Variants in MTDH observed in about 807,000 individuals in gnomAD.
The protein encoded by MTDH is metadherin.
A neutral mutation model predicts 72.7 loss-of-function variants in MTDH; 34 were observed. That is an observed-to-expected ratio of 0.47 (90% CI 0.36 to 0.62). The LOEUF is 0.62. MTDH is among the 20% of genes least tolerant of loss of function. The pLI is 0.00. For missense variants in MTDH, 677 were observed against 699.4 expected, an observed-to-expected ratio of 0.97 and a Z score of 0.36; for synonymous variants, 266 against 268.9, an observed-to-expected ratio of 0.99 and a Z score of 0.10.
intron 1 of MTDH, among the ~76,000 whole-genome samples, chr8:97,654,276 TGTTTA>T (rs1811882030): frequency 1.3e-5 from 2 of 152,380 alleles, no homozygotes; most frequent in African/African-American, 2.4e-5. Flanking sequence ...TTTATGTGTA[TGTTTA>T]GTTTATGTAG....
chr8:97,678,336 T>G (rs1812149833), intron 2 of MTDH, among the ~76,000 whole-genome samples: 1 of 152,144 alleles, frequency 6.6e-6, no homozygotes, highest in African/African-American at 2.4e-5. Flanking sequence ...TGTGTGAAAT[T>G]TATTTACTAC....
intron 4 of MTDH, 101 bp downstream of exon 4, chr8:97,687,706 A>G (rs1268379841): frequency 4.8e-6 from 5 of 1,049,454 alleles, no homozygotes; most frequent in Non-Finnish European, 5.5e-6. Context: ...TTTGAATGCT[A>G]ACATCATTGT....
At chr8:97,678,151 A>G (rs138665017) in intron 2 of MTDH, among the ~76,000 whole-genome samples, 210 of 152,350 alleles carry the variant, frequency 1.4e-3, no homozygotes, top group African/African-American at 4.7e-3. Context: ...AATGAAACAC[A>G]TGAAGAACCA....
chr8:97,652,855 C>T (rs1360962109), intron 1 of MTDH, among the ~76,000 whole-genome samples: 1 of 152,138 alleles, frequency 6.6e-6, no homozygotes, highest in South Asian at 2.1e-4. Context: ...AATAATCAGC[C>T]AGGTGCGGTG....
chr8:97,682,264 A>ATATATG (rs1554577963), intron 2 of MTDH, among the ~76,000 whole-genome samples: 18 of 5,648 alleles, frequency 3.2e-3, no homozygotes, highest in African/African-American at 0.013. Flanking sequence ...ATATATATAT[A>ATATATG]TATATATATA....
intron 2 of MTDH, among the ~76,000 whole-genome samples, chr8:97,672,303 C>T (rs1278522659): frequency 6.6e-6 from 1 of 152,066 alleles, no homozygotes; most frequent in Non-Finnish European, 1.5e-5. Context: ...TTTTTTTCCC[C>T]CTTCCTGAAC....
At position 97,713,735 on chromosome 8, in the gene MTDH, A is replaced by G; in HGVS notation, c.1346A>G (p.Lys449Arg). 1 of 1,606,268 alleles carries G rather than the reference A, an allele frequency of 6.2e-7. No individual in the cohort carries two copies. Among genetic ancestry groups the G allele is most frequent in the Non-Finnish European group, 8.5e-7 (1 of 1,176,504 alleles). ...TGKSKKKKKK[K>R]KKQGEDNSTA... Reference sequence around the variant, plus strand: ...AAATCCAAAAAGAAAAAAAAGAAAAAGAAGAAGCAAGGTGAAGATAACTCT... The same window carrying G: ...AAATCCAAAAAGAAAAAAAAGAAAAGGAAGAAGCAAGGTGAAGATAACTCT... Residue 449 changes from lysine to arginine, a missense_variant, in exon 9 of 12, where the codon AAG becomes AGG. Lys to Arg is a conservative substitution (Grantham distance 26, BLOSUM62 2). Coordinates refer to ENST00000336273, the MANE Select transcript of MTDH (RefSeq NM_178812.4).
chr8:97,724,123 A>G (rs969131564), intron 11 of MTDH, among the ~76,000 whole-genome samples: 1 of 152,152 alleles, frequency 6.6e-6, no homozygotes, highest in Non-Finnish European at 1.5e-5. Context: ...TGATCAATCT[A>G]TCTATCTATC....
rs74734143 is a variant in MTDH, at chr8:97,695,107, C to CT, written c.1048+3934dup. 4.5e-3 allele frequency among the ~76,000 whole-genome samples: 630 copies of CT among 139,184 alleles called. 14 individuals are homozygous for CT. The South Asian group carries it at 0.076, about 17-fold the overall frequency. 91.3% of individuals were successfully genotyped at this position (139,184 alleles called of 152,430 possible). On this transcript the variant is annotated intron_variant, in intron 6 of 11. Coordinates refer to ENST00000336273, the MANE Select transcript of MTDH (RefSeq NM_178812.4). ...TTTACAATTTGCAATTTGCTGCTGCCTTTTTTTTTTTTTTTCTTTAAGATG... is the reference window on the plus strand; with the variant it reads ...TTTACAATTTGCAATTTGCTGCTGCCTTTTTTTTTTTTTTTTCTTTAAGATG...
intron 2 of MTDH, among the ~76,000 whole-genome samples, chr8:97,666,739 C>T (rs183354042): frequency 7.7e-4 from 117 of 152,278 alleles, no homozygotes; most frequent in Non-Finnish European, 1.4e-3. Flanking sequence ...ACTCTGTCGC[C>T]CAGGGTGGAG....
chr8:97,660,508 A>G (rs1488797254), intron 1 of MTDH, among the ~76,000 whole-genome samples: 2 of 152,246 alleles, frequency 1.3e-5, no homozygotes, highest in African/African-American at 4.8e-5. Flanking sequence ...TATATGGCCC[A>G]TAAAACCTAA....
At position 97,727,052 on chromosome 8, in the gene MTDH, G is replaced by A. The variant is rs1342702524; in HGVS notation, c.*2382G>A. On this transcript the variant is annotated 3_prime_UTR_variant, in exon 12 of 12. Coordinates refer to ENST00000336273, the MANE Select transcript of MTDH (RefSeq NM_178812.4). The stretch of plus-strand genomic sequence containing the variant: ...GATCGTGCCACTGCACTCCAGCCTG[G>A]GCAACAGAAGGAGACTCCGTCTCAA... The A allele has an allele frequency of 2.7e-5, 4 of 149,820 alleles. No homozygotes were observed. The highest frequency in any genetic ancestry group is 9.8e-5 in the African/African-American group (4 of 40,658). The allele number at this position is 149,820 out of a possible 1,614,324, so 9.3% of individuals were successfully genotyped here. A position where few individuals can be genotyped will look rare whatever the true frequency, so the allele number is the denominator to read the frequency against.
At chr8:97,661,813 C>T (rs1265303169) in intron 2 of MTDH, among the ~76,000 whole-genome samples, 3 of 151,068 alleles carry the variant, frequency 2.0e-5, no homozygotes, top group South Asian at 2.1e-4. Flanking sequence ...TGTGGTGGTA[C>T]GCACCTGTAG....
At chr8:97,690,535 T>G (rs569885623) in intron 5 of MTDH, among the ~76,000 whole-genome samples, 1 of 152,348 alleles carries the variant, frequency 6.6e-6, no homozygotes, top group East Asian at 1.9e-4. Flanking sequence ...AGATTTTAAT[T>G]GGTCTGGGCT....
Position 97,644,822 on chromosome 8 carries a change from C to G in MTDH, c.316C>G (p.Leu106Val), listed in dbSNP as rs1204114076. The G allele has an allele frequency of 4.4e-6, 7 of 1,577,620 alleles. No homozygotes were observed. The highest frequency in any genetic ancestry group is 6.0e-6 in the Non-Finnish European group (7 of 1,168,884). ...CGCGGCCCCCGACGACCTGGCCTTG[C>G]TGAAGAATCTCCGGAGCGAGGAACA... Reference protein sequence around the residue: ...PAAAPDDLALLKNLRSEEQKK... With the variant: ...PAAAPDDLALVKNLRSEEQKK... The change falls in exon 1 of 12, where the codon CTG becomes GTG. Residue 106 changes from leucine to valine, a missense_variant. Leu to Val is a conservative substitution (Grantham distance 32). Around this residue, in one of 3 missense-constraint regions of MTDH, gnomAD observed 467 missense variants for 469.1 expected, o/e 1.00. Transcript: ENST00000336273.
chr8:97,678,633 A>T (rs1278392027), intron 2 of MTDH, among the ~76,000 whole-genome samples: 1 of 124,056 alleles, frequency 8.1e-6, no homozygotes, highest in Non-Finnish European at 1.6e-5. Context: ...GAGAGACAGA[A>T]TTGCTTAGTC....
chr8:97,646,467 AAAG>A (rs57784988), intron 1 of MTDH, among the ~76,000 whole-genome samples: 5,737 of 152,330 alleles, frequency 0.038, 375 homozygotes, highest in African/African-American at 0.13. Context: ...CAAGGTAAGG[AAAG>A]AAGGTGATCT....
chr8:97,663,085 C>T (rs951143365), intron 2 of MTDH, among the ~76,000 whole-genome samples: 1 of 152,080 alleles, frequency 6.6e-6, no homozygotes, highest in Non-Finnish European at 1.5e-5. Context: ...TAGATTTACA[C>T]ATCTCTGACC....
intron 2 of MTDH, among the ~76,000 whole-genome samples, chr8:97,670,981 C>T (rs1218453276): frequency 6.0e-5 from 6 of 100,442 alleles, no homozygotes; most frequent in Non-Finnish European, 9.1e-5. Context: ...TTTTTTGAGA[C>T]GGAGTCTCGC....
Sources: allele counts gnomAD v4.1 joint callset (sites outside exome capture counted in the v4.1 genomes callset), GRCh38; gene constraint gnomAD v4.1.1; regional missense constraint gnomAD v4.1.1; transcripts MANE v1.5; gene names NCBI Gene and HGNC (gene_info 2026-07-23, HGNC 2026-07-21).